Variants in SLC39A11 observed in about 807,000 individuals in gnomAD.
SLC39A11 encodes the protein zinc transporter ZIP11.
SLC39A11 carries 33 observed loss-of-function variants against 36.1 expected under a neutral mutation model. That is an observed-to-expected ratio of 0.91 (90% CI 0.69 to 1.22). SLC39A11 has a LOEUF of 1.22. Ranked by LOEUF, SLC39A11 falls within the 50% of genes most tolerant of loss-of-function variation. The probability of loss-of-function intolerance (pLI) is 0.00; values close to 1 mark genes in which losing one functional copy is unlikely to be tolerated. For missense variants in SLC39A11, 432 were observed against 430.3 expected (o/e 1.00, Z -0.03); for synonymous variants, 166 against 170.3 (o/e 0.97, Z 0.20).
At chr17:72,941,891 T>TATTTATTC (rs939883430) in intron 5 of SLC39A11, among the ~76,000 whole-genome samples, 1 of 150,374 alleles carries the variant, frequency 6.7e-6, no homozygotes, top group Non-Finnish European at 1.5e-5. Context: ...TTTATTTATT[T>TATTTATTC]ATTTACTGAG....
At chr17:72,784,435 C>T (rs1288414966) in intron 6 of SLC39A11, among the ~76,000 whole-genome samples, 2 of 152,114 alleles carry the variant, frequency 1.3e-5, no homozygotes, top group African/African-American at 2.4e-5. Flanking sequence ...GGGTTTGACA[C>T]CAGAATGTCA....
chr17:72,715,370 T>C (rs2073308813), intron 7 of SLC39A11, among the ~76,000 whole-genome samples: 1 of 152,242 alleles, frequency 6.6e-6, no homozygotes, highest in South Asian at 2.1e-4. Context: ...GCAGCACTAT[T>C]CACAAGAGCT....
intron 6 of SLC39A11, among the ~76,000 whole-genome samples, chr17:72,756,989 GAAAA>G (rs34241516): frequency 7.6e-6 from 1 of 131,190 alleles, no homozygotes. Context: ...CTCTGCTAGG[GAAAA>G]AAAAAAAAAA....
rs1275010211 is a variant in SLC39A11 at position 72,666,726 on chromosome 17, GA to G, written c.672-17459del. Among the ~76,000 whole-genome samples the G allele has an allele frequency of 1.2e-4, 18 of 152,314 alleles. No individual in the cohort carries two copies. In the East Asian group the frequency reaches 3.3e-3, roughly 28 times the overall value. ...GCACGCCTAATGCAAACTAAAGGGGGAGTTTTCAGGGCTCGTGAGAAATCCT... is the reference window on the plus strand; with the variant it reads ...GCACGCCTAATGCAAACTAAAGGGGGGTTTTCAGGGCTCGTGAGAAATCCT... On this transcript the variant is annotated intron_variant, in intron 7 of 9. Coordinates refer to ENST00000255559, the MANE Select transcript of SLC39A11 (RefSeq NM_139177.4).
At chr17:73,065,089 G>T (rs1008092891) in intron 3 of SLC39A11, among the ~76,000 whole-genome samples, 3 of 152,242 alleles carry the variant, frequency 2.0e-5, no homozygotes, top group East Asian at 1.9e-4. Flanking sequence ...TTGTGGAAGA[G>T]AATTATTATT....
intron 4 of SLC39A11, among the ~76,000 whole-genome samples, chr17:73,010,138 A>G (rs913068670): frequency 6.6e-6 from 1 of 152,004 alleles, no homozygotes; most frequent in Non-Finnish European, 1.5e-5. Context: ...CTGGAGATCT[A>G]GTTCAAAATG....
At chr17:72,894,079 G>T (rs1243199479) in intron 5 of SLC39A11, among the ~76,000 whole-genome samples, 4 of 151,884 alleles carry the variant, frequency 2.6e-5, no homozygotes, top group Non-Finnish European at 2.9e-5. Flanking sequence ...ATTACAGAGG[G>T]GGTTGGGCAT....
intron 3 of SLC39A11, among the ~76,000 whole-genome samples, chr17:73,060,611 T>C (rs1487850064): frequency 6.6e-6 from 1 of 152,180 alleles, no homozygotes; most frequent in Non-Finnish European, 1.5e-5. Context: ...TGCTGGGCCC[T>C]GAGAAAGCCT....
intron 7 of SLC39A11, among the ~76,000 whole-genome samples, chr17:72,699,108 G>T (rs111774634): frequency 3.3e-5 from 5 of 151,992 alleles, no homozygotes; most frequent in African/African-American, 4.8e-5. Flanking sequence ...GGATTACAGG[G>T]GTGAGCCACA....
rs143987646 is a variant in SLC39A11 at position 72,967,399 on chromosome 17, A to AGAGAGAGAGTGT, written c.307-19525_307-19524insACACTCTCTCTC. 1.5e-3 allele frequency among the ~76,000 whole-genome samples: 204 copies of AGAGAGAGAGTGT among 138,258 alleles called. 1 individual carries two copies. Among genetic ancestry groups the AGAGAGAGAGTGT allele is most frequent in the East Asian group, 3.9e-3 (17 of 4,344 alleles). The allele number at this position is 138,258 out of a possible 152,430, so 90.7% of individuals were successfully genotyped here. On this transcript the variant is annotated intron_variant, in intron 4 of 9. Coordinates refer to ENST00000255559, the MANE Select transcript of SLC39A11 (RefSeq NM_139177.4). The stretch of plus-strand genomic sequence containing the variant: ...GAGAGAGAGAGAGAGAGAGAGAGAG[A>AGAGAGAGAGTGT]GTGTGTGTGTGTGTGTGTTTTCCTT...
At chr17:72,915,511 C>A (rs1365643670) in intron 5 of SLC39A11, among the ~76,000 whole-genome samples, 2 of 152,154 alleles carry the variant, frequency 1.3e-5, no homozygotes, top group African/African-American at 4.8e-5. Flanking sequence ...GGCAGTGTGC[C>A]CCCTTCTCTT....
Position 72,887,067 on chromosome 17 carries a change from T to C in SLC39A11, c.431-37263A>G, listed in dbSNP as rs556659648. ...TGCAGAGCCAGATAACATTACCTTA[T>C]GTATCTTTGTCTATTATCTGTCTCT... On this transcript the variant is annotated intron_variant, in intron 5 of 9. Coordinates refer to ENST00000255559, the MANE Select transcript of SLC39A11 (RefSeq NM_139177.4). Among the ~76,000 whole-genome samples, 5 of 152,318 alleles carry C rather than the reference T, an allele frequency of 3.3e-5. No homozygotes were observed. In the East Asian group the frequency reaches 7.7e-4, roughly 24 times the overall value.
intron 6 of SLC39A11, among the ~76,000 whole-genome samples, chr17:72,750,455 A>G (rs944318490): frequency 6.7e-6 from 1 of 149,832 alleles, no homozygotes; most frequent in Non-Finnish European, 1.5e-5. Context: ...GGACTTATTT[A>G]TGTTTTTGTA....
intron 7 of SLC39A11, among the ~76,000 whole-genome samples, chr17:72,666,203 T>A (rs2144104712): frequency 6.6e-6 from 1 of 152,338 alleles, no homozygotes; most frequent in South Asian, 2.1e-4. Flanking sequence ...GTGGGTTCTC[T>A]AGATTCCAGG....
chr17:72,831,202 A>T (rs1598907816), intron 6 of SLC39A11, among the ~76,000 whole-genome samples: 1 of 152,120 alleles, frequency 6.6e-6, no homozygotes, highest in African/African-American at 2.4e-5. Context: ...ATTTCTGAGA[A>T]TATAGAGAAG....
At chr17:72,889,187 A>G (rs1338590923) in intron 5 of SLC39A11, among the ~76,000 whole-genome samples, 1 of 152,172 alleles carries the variant, frequency 6.6e-6, no homozygotes, top group African/African-American at 2.4e-5. Context: ...TTAGTTACAG[A>G]TGTGTATTTA....
In SLC39A11 at chr17:72,898,640, T is replaced by C. The variant is rs151215069; in HGVS notation, c.431-48836A>G. On this transcript the variant is annotated intron_variant, in intron 5 of 9. Transcript: ENST00000255559. ...CATGCAAGCACATGCATATACACAG[T>C]GCATACATGGGCATGCACACATATA... 7.2e-5 allele frequency among the ~76,000 whole-genome samples: 11 copies of C among 152,346 alleles called. No individual in the cohort carries two copies. In the South Asian group the frequency reaches 1.9e-3, roughly 26 times the overall value.
intron 5 of SLC39A11, among the ~76,000 whole-genome samples, chr17:72,922,411 T>C (rs1233430687): frequency 6.6e-6 from 1 of 152,224 alleles, no homozygotes; most frequent in African/African-American, 2.4e-5. Flanking sequence ...GGTGCATGAT[T>C]CCTTGTCAAT....
chr17:72,837,835 G>A (rs1016864614), intron 6 of SLC39A11: 13 of 762,928 alleles, frequency 1.7e-5, no homozygotes, highest in African/African-American at 3.6e-5. Flanking sequence ...AGTCAGTCCC[G>A]GTTAGGGAAA....
Sources: gnomAD v4.1 joint callset for allele counts (sites outside exome capture counted in the v4.1 genomes callset) on GRCh38, gnomAD v4.1.1 for gene constraint, MANE v1.5 for transcripts, NCBI Gene and HGNC (gene_info 2026-07-23, HGNC 2026-07-21) for gene names.